Variants in VAV1 observed in about 807,000 individuals in gnomAD.
VAV1 encodes proto-oncogene vav.
In VAV1, 33 loss-of-function variants were observed where a neutral mutation model predicts 128.1. The observed-to-expected ratio is 0.26, with a 90% CI of 0.20 to 0.34. The LOEUF is 0.34. Among genes scored for constraint, VAV1 ranks in the 10% least tolerant of loss-of-function variants. The pLI, the probability that VAV1 is intolerant of heterozygous loss-of-function variation, is 1.00. For synonymous variants in VAV1, 394 were observed against 409.8 expected, an observed-to-expected ratio of 0.96 and a Z score of 0.47; for missense variants, 715 against 1,093.7, an observed-to-expected ratio of 0.65 and a Z score of 4.88.
chr19:6,792,625 T>G (rs1217413374), intron 1 of VAV1, among the ~76,000 whole-genome samples: 2 of 152,120 alleles, frequency 1.3e-5, no homozygotes, highest in Non-Finnish European at 1.5e-5. Flanking sequence ...TTGCCCAGGC[T>G]GCTCTTGACA....
chr19:6,821,890 C>T (rs1012425804), intron 4 of VAV1, 31 bp downstream of exon 4: 4 of 1,613,678 alleles, frequency 2.5e-6, no homozygotes, highest in African/African-American at 2.7e-5. Context: ...CCGCACAGCT[C>T]ACTGGAGCAC....
Position 6,805,985 on chromosome 19 carries a change from A to G in VAV1, c.205-14717A>G, listed in dbSNP as rs754758953. ...ACAAGGTCTGGTGTTCCATCAAGGC[A>G]GTGGCTATGCTCCCAAGAAGTTTGC... On this transcript the variant is annotated intron_variant, in intron 1 of 26. Transcript: ENST00000602142. Among the ~76,000 whole-genome samples, 5 of 152,156 alleles carry G rather than the reference A, an allele frequency of 3.3e-5. No individual in the cohort carries two copies. The South Asian group carries it at 6.2e-4, about 19-fold the overall frequency.
At chr19:6,801,586 G>A (rs926030255) in intron 1 of VAV1, among the ~76,000 whole-genome samples, 3 of 152,156 alleles carry the variant, frequency 2.0e-5, no homozygotes, top group Non-Finnish European at 2.9e-5. Flanking sequence ...GTTGCCTGAT[G>A]AAGGGGCTGA....
rs1434685381 is a variant in VAV1, at chr19:6,828,506, C to T, written c.1092+19C>T. Reference sequence around the variant, plus strand: ...CATGAGGGTGAGTGGGTGTAGGGTGCTGGTGACTCACCTGCTGCAGACACC... The same window carrying T: ...CATGAGGGTGAGTGGGTGTAGGGTGTTGGTGACTCACCTGCTGCAGACACC... On this transcript the variant is annotated intron_variant, in intron 11 of 26. Transcript: ENST00000602142. The surrounding 1 kb of genome is among the most constrained non-coding windows in gnomAD (Gnocchi z 4.5). 1.2e-6 allele frequency: 2 copies of T among 1,614,100 alleles called. No homozygotes were observed. The highest frequency in any genetic ancestry group is 1.3e-5 in the African/African-American group (1 of 75,028).
At chr19:6,776,637 TATCA>T (rs1195089455) in intron 1 of VAV1, among the ~76,000 whole-genome samples, 2 of 149,524 alleles carry the variant, frequency 1.3e-5, no homozygotes, top group African/African-American at 5.0e-5. Flanking sequence ...TTTATCCATC[TATCA>T]GTCTATCCAT....
chr19:6,805,050 C>T (rs1161703986), intron 1 of VAV1, among the ~76,000 whole-genome samples: 1 of 151,800 alleles, frequency 6.6e-6, no homozygotes, highest in African/African-American at 2.4e-5. Flanking sequence ...CTTTTAATTA[C>T]ATGTAGAGTA....
In VAV1 at chr19:6,828,106, T is replaced by C. The variant is rs141278487; in HGVS notation, c.958T>C (p.Phe320Leu). The change falls in exon 10 of 27, where the codon TTC becomes CTC. Residue 320 changes from phenylalanine to leucine, a missense_variant. Phe to Leu is a conservative substitution (Grantham distance 22, BLOSUM62 0). Coordinates refer to ENST00000602142, the MANE Select transcript of VAV1 (RefSeq NM_005428.4). This position sits in a 1 kb window ranked among gnomAD's most constrained non-coding sequence, Gnocchi z 4.5. ...ECSQRANNGR[F>L]TLRDLLMVPM... ...TTCTCAGAGAGCCAACAACGGGAGG[T>C]TCACCCTGCGGGACCTGCTGATGGT... 1.2e-6 allele frequency: 2 copies of C among 1,614,106 alleles called. No homozygotes were observed. The highest frequency in any genetic ancestry group is 8.5e-7 in the Non-Finnish European group (1 of 1,180,034).
chr19:6,843,993 A>G (rs1450664812), intron 22 of VAV1, among the ~76,000 whole-genome samples: 1 of 147,510 alleles, frequency 6.8e-6, no homozygotes, highest in Non-Finnish European at 1.5e-5. Flanking sequence ...AATCTTCACA[A>G]AAGCCCTTCG....
intron 2 of VAV1, among the ~76,000 whole-genome samples, chr19:6,821,183 C>T (rs955373038): frequency 2.0e-5 from 3 of 152,094 alleles, no homozygotes; most frequent in African/African-American, 7.2e-5. Flanking sequence ...GGGCAGATCA[C>T]GAGGTCAGGA....
chr19:6,856,554 T>G (rs1972806756), intron 26 of VAV1, among the ~76,000 whole-genome samples: 2 of 151,290 alleles, frequency 1.3e-5, no homozygotes, highest in East Asian at 3.9e-4. Flanking sequence ...AAACCCCGTC[T>G]CTACTAAAAA....
chr19:6,827,133 A>G, intron 9 of VAV1: 1 of 205,116 alleles, frequency 4.9e-6, no homozygotes, highest in South Asian at 9.1e-5. Flanking sequence ...CAGACAGGGC[A>G]GGGGTGGTGA....
intron 1 of VAV1, among the ~76,000 whole-genome samples, chr19:6,798,079 C>A (rs1971180067): frequency 6.6e-6 from 1 of 152,130 alleles, no homozygotes; most frequent in Admixed American, 6.6e-5. Context: ...GAGTTCAAGA[C>A]CAGCCTAGCC....
rs551596145 is a variant in VAV1 at position 6,774,744 on chromosome 19, G to GT, written c.204+1742dup. 5.7e-3 allele frequency among the ~76,000 whole-genome samples: 847 copies of GT among 149,216 alleles called. 5 individuals carry two copies. Among genetic ancestry groups the GT allele is most frequent in the African/African-American group, 0.012 (488 of 40,584 alleles). On this transcript the variant is annotated intron_variant, in intron 1 of 26. Coordinates refer to ENST00000602142, the MANE Select transcript of VAV1 (RefSeq NM_005428.4). ...GCCACTGTGCCCGGCTGCTCCTTCT[G>GT]TTTTTTTTTATCTTATCTTTTATTT... is the stretch of plus-strand genomic sequence containing the variant.
At chr19:6,779,617 T>C (rs556666936) in intron 1 of VAV1, among the ~76,000 whole-genome samples, 1 of 150,288 alleles carries the variant, frequency 6.7e-6, no homozygotes, top group African/African-American at 2.4e-5. Flanking sequence ...TCCCAGCACT[T>C]TGGGAGGCCG....
chr19:6,833,149 TTC>T (rs1214080786), intron 15 of VAV1, 33 bp from the exon 16 acceptor site: 3 of 1,538,844 alleles, frequency 1.9e-6, no homozygotes, highest in African/African-American at 2.9e-5. Context: ...AATACTGACC[TTC>T]TTTTTTTTTT....
intron 1 of VAV1, among the ~76,000 whole-genome samples, chr19:6,785,710 A>AG (rs1599620638): frequency 7.0e-6 from 1 of 142,868 alleles, no homozygotes; most frequent in East Asian, 2.0e-4. Context: ...CCCAGGCTGG[A>AG]GTGCAGTGGC....
At chr19:6,810,533 G>A (rs928094787) in intron 1 of VAV1, among the ~76,000 whole-genome samples, 2 of 151,676 alleles carry the variant, frequency 1.3e-5, no homozygotes, top group South Asian at 4.2e-4. Context: ...GTGAAACCCT[G>A]CCTCTACTAA....
intron 20 of VAV1, 55 bp from the exon 21 acceptor site, chr19:6,836,929 TG>T (rs2144801147): frequency 1.3e-6 from 2 of 1,554,732 alleles, no homozygotes; most frequent in Admixed American, 1.7e-5. Flanking sequence ...AGATGGCAGG[TG>T]GGGTTATGGA....
At chr19:6,848,208 C>A in intron 23 of VAV1, 94 bp downstream of exon 23, 3 of 1,204,046 alleles carry the variant, frequency 2.5e-6, no homozygotes, top group Non-Finnish European at 3.4e-6. Flanking sequence ...TAGAAGTGTA[C>A]GGTAATAGCA....
Sources: allele counts gnomAD v4.1 joint callset (sites outside exome capture counted in the v4.1 genomes callset), GRCh38; gene constraint gnomAD v4.1.1; non-coding constraint Gnocchi (gnomAD v3.1); transcripts MANE v1.5; gene names NCBI Gene and HGNC (gene_info 2026-07-23, HGNC 2026-07-21).